The following GLT1D1 variants were observed in gnomAD, a reference collection of about 807,000 sequenced individuals.
The protein encoded by GLT1D1 is glycosyltransferase 1 domain containing 1, also known as glycosyltransferase 1 domain-containing protein 1.
A neutral mutation model predicts 28.7 loss-of-function variants in GLT1D1; 21 were observed. The observed-to-expected ratio is 0.73, with a 90% CI of 0.52 to 1.05. The LOEUF is 1.05. Among genes scored for constraint, GLT1D1 ranks in the 50% least tolerant of loss-of-function variants. GLT1D1 has a pLI of 0.00. For missense variants in GLT1D1, 343 were observed against 330.6 expected (o/e 1.04, Z -0.29); for synonymous variants, 147 against 124.8 (o/e 1.18, Z -1.19).
chr12:128,853,714 C>A, intron 1 of GLT1D1, 65 bp downstream of exon 1: 1 of 989,742 alleles, frequency 1.0e-6, no homozygotes, highest in Non-Finnish European at 1.2e-6. Context: ...GACGCGGGAC[C>A]CGGGGACGCG....
chr12:128,949,668 G>A (rs116976094), intron 6 of GLT1D1, among the ~76,000 whole-genome samples: 422 of 152,176 alleles, frequency 2.8e-3, no homozygotes, highest in Non-Finnish European at 5.3e-3. Flanking sequence ...GCTTTTTGAC[G>A]GAGTTGAATC....
chr12:128,955,862 T>A (rs190108629), intron 6 of GLT1D1, among the ~76,000 whole-genome samples: 1 of 151,988 alleles, frequency 6.6e-6, no homozygotes, highest in Admixed American at 6.6e-5. Context: ...GATTGATAAG[T>A]CATCTGTGGA....
At chr12:128,958,100 G>A (rs1425534533) in intron 7 of GLT1D1, among the ~76,000 whole-genome samples, 1 of 152,238 alleles carries the variant, frequency 6.6e-6, no homozygotes, top group Non-Finnish European at 1.5e-5. Context: ...AAAGGGCCAT[G>A]TACCTGTCCA....
chr12:128,867,487 G>T lies in GLT1D1; in HGVS notation c.69-8427G>T, dbSNP rs1201448. 3.3e-3 allele frequency among the ~76,000 whole-genome samples: 490 copies of T among 149,182 alleles called. 2 individuals carry two copies. Among genetic ancestry groups the T allele is most frequent in the African/African-American group, 0.012 (471 of 40,814 alleles). On this transcript the variant is annotated intron_variant, in intron 1 of 7. Coordinates refer to ENST00000281703, the MANE Select transcript of GLT1D1 (RefSeq NM_144669.3). ...GAGGGCAGGGATTTGTGCATGTTTT[G>T]TTCTTTACTGAACCCTCGTTGCCCC... is the stretch of plus-strand genomic sequence containing the variant.
intron 4 of GLT1D1, chr12:128,944,507 C>A: frequency 9.8e-7 from 1 of 1,019,070 alleles, no homozygotes; most frequent in African/African-American, 1.6e-5. Context: ...GCATCAATGC[C>A]CACAGTTGTG....
intron 5 of GLT1D1, among the ~76,000 whole-genome samples, chr12:128,946,313 A>C (rs1876062242): frequency 6.6e-6 from 1 of 152,154 alleles, no homozygotes; most frequent in Non-Finnish European, 1.5e-5. Context: ...CTTTTGTGAC[A>C]TTATCGTCTC....
chr12:128,876,147 T>C (rs1233463854), intron 2 of GLT1D1, 85 bp downstream of exon 2: 11 of 1,227,610 alleles, frequency 9.0e-6, no homozygotes, highest in African/African-American at 1.5e-5. Flanking sequence ...CGGGAAACAG[T>C]GTCTCCTTTT....
intron 4 of GLT1D1, among the ~76,000 whole-genome samples, chr12:128,915,511 T>C (rs891942671): frequency 6.6e-6 from 1 of 151,966 alleles, no homozygotes; most frequent in Admixed American, 6.6e-5. Flanking sequence ...ACTACATGCA[T>C]GCGCCACCAT....
chr12:128,962,522 AG>A (rs1160768550), intron 7 of GLT1D1, among the ~76,000 whole-genome samples: 3 of 152,110 alleles, frequency 2.0e-5, no homozygotes, highest in Non-Finnish European at 4.4e-5. Context: ...AGGAGGTTCA[AG>A]CTCAGGTGTC....
intron 1 of GLT1D1, among the ~76,000 whole-genome samples, chr12:128,860,973 C>T (rs1329509758): frequency 1.3e-5 from 2 of 152,244 alleles, no homozygotes; most frequent in East Asian, 3.9e-4. Flanking sequence ...GAGTCTGACA[C>T]CTAGAGAACC....
chr12:128,878,632 G>A (rs932169514), intron 2 of GLT1D1, among the ~76,000 whole-genome samples: 1 of 151,380 alleles, frequency 6.6e-6, no homozygotes, highest in African/African-American at 2.4e-5. Flanking sequence ...TTTTGACACA[G>A]GGTCTCACTC....
At chr12:128,946,181 C>T (rs1876045483) in intron 5 of GLT1D1, among the ~76,000 whole-genome samples, 1 of 152,120 alleles carries the variant, frequency 6.6e-6, no homozygotes, top group South Asian at 2.1e-4. Flanking sequence ...AGAGTGGTGG[C>T]CAGCGGTGGG....
intron 4 of GLT1D1, among the ~76,000 whole-genome samples, chr12:128,920,596 T>G (rs1315115339): frequency 6.6e-6 from 1 of 152,060 alleles, no homozygotes; most frequent in Non-Finnish European, 1.5e-5. Context: ...TAAAGACAGC[T>G]TCTAGAATAG....
At chr12:128,857,563 G>A (rs1369547404) in intron 1 of GLT1D1, among the ~76,000 whole-genome samples, 5 of 152,136 alleles carry the variant, frequency 3.3e-5, no homozygotes, top group Non-Finnish European at 7.3e-5. Flanking sequence ...CTGGACGGGC[G>A]GGGAGGGAGG....
At chr12:128,913,992 G>A (rs954652109) in intron 4 of GLT1D1, among the ~76,000 whole-genome samples, 7 of 152,178 alleles carry the variant, frequency 4.6e-5, no homozygotes, top group Non-Finnish European at 8.8e-5. Context: ...TTAAATAGCC[G>A]CTGTCAGTAT....
intron 4 of GLT1D1, among the ~76,000 whole-genome samples, chr12:128,929,740 C>G (rs966418771): frequency 6.6e-5 from 10 of 152,174 alleles, no homozygotes; most frequent in African/African-American, 2.4e-4. Flanking sequence ...GAGGGGCGAT[C>G]ACCTGAGGTC....
intron 1 of GLT1D1, among the ~76,000 whole-genome samples, chr12:128,860,074 A>G (rs777359512): frequency 8.5e-5 from 13 of 152,216 alleles, no homozygotes; most frequent in Non-Finnish European, 1.3e-4. Context: ...AGTATTCTGA[A>G]TACCCTAATG....
chr12:128,894,305 C>T (rs1034351446), intron 3 of GLT1D1, among the ~76,000 whole-genome samples: 6 of 151,974 alleles, frequency 3.9e-5, no homozygotes, highest in African/African-American at 7.2e-5. Flanking sequence ...AAGGAAAGCT[C>T]GGGGCAGGCA....
chr12:128,921,438 T>C (rs1872645333), intron 4 of GLT1D1, among the ~76,000 whole-genome samples: 1 of 151,970 alleles, frequency 6.6e-6, no homozygotes, highest in Admixed American at 6.6e-5. Flanking sequence ...ATAGAAAACA[T>C]CGAAGTGGCT....
Sources: gnomAD v4.1 joint callset for allele counts (sites outside exome capture counted in the v4.1 genomes callset) on GRCh38, gnomAD v4.1.1 for gene constraint, MANE v1.5 for transcripts, NCBI Gene and HGNC (gene_info 2026-07-23, HGNC 2026-07-21) for gene names.